The following GRM3 variants were observed in gnomAD, a reference collection of about 807,000 sequenced individuals.
GRM3 encodes the protein metabotropic glutamate receptor 3.
In GRM3, 26 loss-of-function variants were observed where a neutral mutation model predicts 70.5. The ratio of observed to expected loss-of-function variants is 0.37; its 90% CI spans 0.27 to 0.51. The LOEUF (loss-of-function observed/expected upper bound fraction) is 0.51. Ranked by LOEUF, GRM3 falls within the 20% of genes least tolerant of loss-of-function variation. GRM3 has a pLI of 0.93. For synonymous variants in GRM3, 443 were observed against 434.9 expected, an observed-to-expected ratio of 1.02 and a Z score of -0.23; for missense variants, 859 against 1,123.8, an observed-to-expected ratio of 0.76 and a Z score of 3.37.
chr7:86,753,345 G>A (rs1428317467), intron 1 of GRM3, among the ~76,000 whole-genome samples: 3 of 152,094 alleles, frequency 2.0e-5, no homozygotes, highest in South Asian at 4.1e-4. Flanking sequence ...TATAAAATGA[G>A]AGCCAAAGAG....
chr7:86,831,689 C>T lies in GRM3; in HGVS notation c.1325-7150C>T, dbSNP rs10242148. On this transcript the variant is annotated intron_variant, in intron 3 of 5. Coordinates refer to ENST00000361669, the MANE Select transcript of GRM3 (RefSeq NM_000840.3). ...AGTATTGACAATTTCAACAATAATA[C>T]GTAGAATCTAGATAGAAAAACCAGT... Among the ~76,000 whole-genome samples, 1,292 of 147,128 alleles carry T rather than the reference C, an allele frequency of 8.8e-3. 14 individuals are homozygous for T. The highest frequency in any genetic ancestry group is 0.031 in the African/African-American group (1,230 of 39,794).
chr7:86,765,725 C>T (rs1796585583), intron 2 of GRM3, 112 bp downstream of exon 2: 13 of 827,724 alleles, frequency 1.6e-5, no homozygotes, highest in Non-Finnish European at 2.4e-5. Flanking sequence ...ATCAACAATG[C>T]AATTATTAAT....
intron 1 of GRM3, among the ~76,000 whole-genome samples, chr7:86,648,520 T>C (rs1217167284): frequency 1.3e-5 from 2 of 152,194 alleles, no homozygotes; most frequent in Non-Finnish European, 2.9e-5. Context: ...TAGATGTGTA[T>C]GTTAACAAAA....
At chr7:86,723,488 G>A (rs539513600) in intron 1 of GRM3, among the ~76,000 whole-genome samples, 2 of 152,122 alleles carry the variant, frequency 1.3e-5, no homozygotes, top group South Asian at 4.2e-4. Flanking sequence ...TTAAATTGAT[G>A]GTAAGAAAAT....
intron 3 of GRM3, among the ~76,000 whole-genome samples, chr7:86,829,993 C>T (rs778315136): frequency 7.9e-5 from 12 of 152,094 alleles, no homozygotes; most frequent in Non-Finnish European, 1.2e-4. Context: ...ATATGTATAT[C>T]CCAAAATTTA....
rs144785172 is a variant in GRM3 at position 86,762,595 on chromosome 7, G to A, written c.-140-2411G>A. ...GTGCCATTTCATTAATTCTCAATGA[G>A]CACACAAGAAAACAAATATAAATCA... On this transcript the variant is annotated intron_variant, in intron 1 of 5. Transcript: ENST00000361669. 3.9e-5 allele frequency among the ~76,000 whole-genome samples: 6 copies of A among 152,166 alleles called. 1 individual carries two copies. The highest frequency in any genetic ancestry group is 1.4e-4 in the African/African-American group (6 of 41,534).
intron 5 of GRM3, among the ~76,000 whole-genome samples, chr7:86,859,404 T>C (rs1398908188): frequency 6.6e-6 from 1 of 152,172 alleles, no homozygotes; most frequent in Admixed American, 6.6e-5. Flanking sequence ...ACAATTCTCC[T>C]GAAATGGAAC....
At chr7:86,739,510 C>T (rs1469309866) in intron 1 of GRM3, among the ~76,000 whole-genome samples, 3 of 152,200 alleles carry the variant, frequency 2.0e-5, no homozygotes, top group African/African-American at 4.8e-5. Context: ...CTACGTAGAA[C>T]GGCCTTACCT....
chr7:86,803,017 C>T (rs1797715903), intron 3 of GRM3, among the ~76,000 whole-genome samples: 1 of 152,186 alleles, frequency 6.6e-6, no homozygotes, highest in Non-Finnish European at 1.5e-5. Flanking sequence ...CAATATACCA[C>T]TTTCTTAGGG....
rs1290967885 is a variant in GRM3 at position 86,838,861 on chromosome 7, T to A, written c.1347T>A (p.Asp449Glu). ...NFTAPFNPNK[D>E]ADSIVKFDTF... ...CAGCTCCATTCAACCCAAATAAAGATGCAGATAGCATAGTCAAGTTTGACA... is the reference window on the plus strand; with the variant it reads ...CAGCTCCATTCAACCCAAATAAAGAAGCAGATAGCATAGTCAAGTTTGACA... The change falls in exon 4 of 6, where the codon GAT (aspartate) becomes GAA (glutamate). Residue 449 changes from aspartate to glutamate, a missense_variant. Physicochemically the swap from Asp to Glu is conservative, Grantham distance 45. Transcript: ENST00000361669. 1.9e-6 allele frequency: 3 copies of A among 1,608,544 alleles called. No homozygotes were observed. The highest frequency in any genetic ancestry group is 3.3e-5 in the Admixed American group (2 of 59,808).
At chr7:86,677,038 T>C (rs1162001481) in intron 1 of GRM3, among the ~76,000 whole-genome samples, 1 of 151,972 alleles carries the variant, frequency 6.6e-6, no homozygotes, top group South Asian at 2.1e-4. Context: ...CTGAGGCATA[T>C]CATGTATATT....
intron 3 of GRM3, among the ~76,000 whole-genome samples, chr7:86,807,689 A>C (rs893392949): frequency 2.0e-5 from 3 of 152,178 alleles, no homozygotes; most frequent in African/African-American, 7.2e-5. Flanking sequence ...TGTCATCTGC[A>C]AACAGGGACA....
At chr7:86,763,285 G>A (rs961269022) in intron 1 of GRM3, among the ~76,000 whole-genome samples, 4 of 152,092 alleles carry the variant, frequency 2.6e-5, no homozygotes, top group Admixed American at 2.6e-4. Flanking sequence ...GAACACACAA[G>A]GGCATGTGGC....
At chr7:86,834,365 A>G (rs74915744) in intron 3 of GRM3, among the ~76,000 whole-genome samples, 2,522 of 152,172 alleles carry the variant, frequency 0.017, 64 homozygotes, top group African/African-American at 0.057. Context: ...CCATCACAGC[A>G]TTTTGGTCAA....
chr7:86,797,973 A>T (rs564348740), intron 3 of GRM3, among the ~76,000 whole-genome samples: 3 of 152,312 alleles, frequency 2.0e-5, no homozygotes, highest in South Asian at 4.1e-4. Flanking sequence ...TTGGTGACTT[A>T]CACATGATGT....
chr7:86,857,861 C>T (rs1214905823), intron 5 of GRM3, among the ~76,000 whole-genome samples: 5 of 152,002 alleles, frequency 3.3e-5, no homozygotes, highest in African/African-American at 4.8e-5. Flanking sequence ...TTTCATTTAC[C>T]AATTATTTAT....
intron 3 of GRM3, among the ~76,000 whole-genome samples, chr7:86,808,835 G>A (rs1254444374): frequency 6.6e-6 from 1 of 151,998 alleles, no homozygotes; most frequent in South Asian, 2.1e-4. Flanking sequence ...TGTTTAAGGG[G>A]AAGCAAAGAG....
chr7:86,686,594 A>G (rs1293489284), intron 1 of GRM3, among the ~76,000 whole-genome samples: 1 of 152,234 alleles, frequency 6.6e-6, no homozygotes, highest in African/African-American at 2.4e-5. Flanking sequence ...TGTAAGGGCA[A>G]ATATTATGTA....
chr7:86,835,558 C>CAT (rs918493714), intron 3 of GRM3, among the ~76,000 whole-genome samples: 10 of 152,122 alleles, frequency 6.6e-5, no homozygotes, highest in Admixed American at 1.3e-4. Flanking sequence ...ATCTTTCCAA[C>CAT]ATATATATAT....
Sources: allele counts gnomAD v4.1 joint callset (sites outside exome capture counted in the v4.1 genomes callset), GRCh38; gene constraint gnomAD v4.1.1; transcripts MANE v1.5; gene names NCBI Gene and HGNC (gene_info 2026-07-23, HGNC 2026-07-21).